Variants in CDH7 observed in about 807,000 individuals in gnomAD.
CDH7 encodes the protein cadherin-7.
In CDH7, 25 loss-of-function variants were observed where a neutral mutation model predicts 71.8. The observed-to-expected ratio is 0.35, with a 90% CI of 0.25 to 0.49. The LOEUF is 0.49. Among genes scored for constraint, CDH7 ranks in the 20% least tolerant of loss-of-function variants. The probability of loss-of-function intolerance (pLI) is 0.99; values close to 1 mark genes in which losing one functional copy is unlikely to be tolerated. For synonymous variants in CDH7, 381 were observed against 363.8 expected, an observed-to-expected ratio of 1.05 and a Z score of -0.54; for missense variants, 862 against 974.6, an observed-to-expected ratio of 0.88 and a Z score of 1.54.
intron 11 of CDH7, among the ~76,000 whole-genome samples, chr18:65,869,718 A>G (rs551122948): frequency 6.7e-6 from 1 of 149,594 alleles, no homozygotes; most frequent in Admixed American, 6.6e-5. Context: ...CATCTCTTCC[A>G]GTAGACTGCT....
intron 2 of CDH7, among the ~76,000 whole-genome samples, chr18:65,781,866 CTCTCTCTCTCTCTGTCTCTCTCTCT>C (rs1910244253): frequency 6.7e-5 from 4 of 59,706 alleles, no homozygotes; most frequent in Admixed American, 2.9e-4. Context: ...TTCTTTCTTT[CTCTCTCTCTCTCTGTCTCTCTCTCT>C]CTTTCTCTCT....
At chr18:65,799,508 T>C (rs982797914) in intron 2 of CDH7, among the ~76,000 whole-genome samples, 3 of 152,004 alleles carry the variant, frequency 2.0e-5, no homozygotes, top group Non-Finnish European at 4.4e-5. Context: ...AAACCCCGTC[T>C]CTACTAAAAA....
chr18:65,817,178 G>A (rs1911752334), intron 4 of CDH7, among the ~76,000 whole-genome samples: 1 of 152,150 alleles, frequency 6.6e-6, no homozygotes, highest in Non-Finnish European at 1.5e-5. Context: ...TCATTTAGGA[G>A]TTCTTTTTTA....
At chr18:65,850,173 A>ATAAT (rs145348057) in intron 7 of CDH7, among the ~76,000 whole-genome samples, 61 of 65,314 alleles carry the variant, frequency 9.3e-4, no homozygotes, top group African/African-American at 3.8e-3. Flanking sequence ...CACTATATAT[A>ATAAT]ATATATATAT....
chr18:65,859,047 G>GT lies in CDH7; in HGVS notation c.1494+2dup. ...CTGTGAAAATGCCCAGCCGGGGCAGGTAAGAGTCTTCAGAACACTTTGCTT... is the reference window on the plus strand; with the variant it reads ...CTGTGAAAATGCCCAGCCGGGGCAGGTTAAGAGTCTTCAGAACACTTTGCTT... On this transcript the variant is annotated splice_donor_variant, in intron 9 of 11. Coordinates refer to ENST00000397968, the MANE Select transcript of CDH7 (RefSeq NM_004361.5). LOFTEE classifies it high-confidence loss of function. 6.2e-7 allele frequency: 1 copy of GT among 1,613,222 alleles called. No homozygotes were observed. Among genetic ancestry groups the GT allele is most frequent in the Non-Finnish European group, 8.5e-7 (1 of 1,179,394 alleles).
intron 2 of CDH7, among the ~76,000 whole-genome samples, chr18:65,800,988 A>G (rs1299281597): frequency 6.6e-6 from 1 of 152,136 alleles, no homozygotes; most frequent in East Asian, 1.9e-4. Flanking sequence ...CCCCGGGCTC[A>G]GCTTGGTTTT....
chr18:65,799,608 G>T (rs1444451682), intron 2 of CDH7, among the ~76,000 whole-genome samples: 1 of 151,930 alleles, frequency 6.6e-6, no homozygotes, highest in Non-Finnish European at 1.5e-5. Context: ...CCCAGGAGGC[G>T]GAGCTTGCAG....
At chr18:65,802,714 A>G (rs1012953723) in intron 2 of CDH7, among the ~76,000 whole-genome samples, 15 of 152,352 alleles carry the variant, frequency 9.8e-5, no homozygotes, top group Admixed American at 9.8e-4. Context: ...TTTGATCATT[A>G]AGAATTCGAC....
At chr18:65,822,540 TA>T (rs1342393634) in intron 5 of CDH7, among the ~76,000 whole-genome samples, 1 of 132,576 alleles carries the variant, frequency 7.5e-6, no homozygotes, top group African/African-American at 2.6e-5. Context: ...TGTGTTTATG[TA>T]TTAGTCTTTT....
At chr18:65,847,592 C>T (rs969084036) in intron 7 of CDH7, among the ~76,000 whole-genome samples, 2 of 152,164 alleles carry the variant, frequency 1.3e-5, no homozygotes, top group South Asian at 2.1e-4. Context: ...ACCTACTTTA[C>T]TGAAGTACCA....
chr18:65,835,751 A>G (rs1912510925), intron 6 of CDH7, among the ~76,000 whole-genome samples: 1 of 152,196 alleles, frequency 6.6e-6, no homozygotes, highest in Admixed American at 6.5e-5. Flanking sequence ...TTTCTACTTT[A>G]TGCTTATAAA....
intron 2 of CDH7, among the ~76,000 whole-genome samples, chr18:65,763,657 T>A (rs1264116831): frequency 6.6e-6 from 1 of 151,452 alleles, no homozygotes; most frequent in Non-Finnish European, 1.5e-5. Context: ...CATTTTCCTT[T>A]GGATTAAAAA....
At chr18:65,842,237 T>C (rs1912759775) in intron 6 of CDH7, among the ~76,000 whole-genome samples, 1 of 152,086 alleles carries the variant, frequency 6.6e-6, no homozygotes, top group Admixed American at 6.6e-5. Flanking sequence ...CTCCCCTATG[T>C]ATAAAAAGCA....
At chr18:65,774,810 C>T (rs1418911683) in intron 2 of CDH7, among the ~76,000 whole-genome samples, 2 of 152,032 alleles carry the variant, frequency 1.3e-5, no homozygotes, top group Non-Finnish European at 2.9e-5. Flanking sequence ...CTCTAATTCC[C>T]TTGATGGTCC....
At chr18:65,853,781 A>G (rs911409107) in intron 7 of CDH7, among the ~76,000 whole-genome samples, 1 of 151,372 alleles carries the variant, frequency 6.6e-6, no homozygotes, top group Admixed American at 6.6e-5. Flanking sequence ...TTTTCGTTGC[A>G]ATAAAAAAAG....
chr18:65,882,325 TA>T lies in CDH7; in HGVS notation c.*1433del, dbSNP rs1333468004. On this transcript the variant is annotated 3_prime_UTR_variant, in exon 12 of 12. Transcript: ENST00000397968. ...TTTCTACCTATTATTTTTCCTAGAT[TA>T]ATACTAGTTTAATGTGCATATACAT... The T allele has an allele frequency of 1.3e-5, 2 of 152,138 alleles. No homozygotes were observed. The highest frequency in any genetic ancestry group is 4.8e-5 in the African/African-American group (2 of 41,454). 9.4% of individuals were successfully genotyped at this position (152,138 alleles called of 1,614,324 possible).
At chr18:65,863,753 G>A (rs574551141) in intron 11 of CDH7, 10 of 152,196 alleles carry the variant, frequency 6.6e-5, no homozygotes, top group African/African-American at 1.4e-4. Context: ...ACATTTCCAT[G>A]ATTAGTTTAT....
chr18:65,812,805 G>T (rs1911591076), intron 3 of CDH7, among the ~76,000 whole-genome samples: 1 of 152,106 alleles, frequency 6.6e-6, no homozygotes. Context: ...TTATTATTTG[G>T]TTTAAAATTG....
At chr18:65,774,730 GA>G (rs1909873632) in intron 2 of CDH7, among the ~76,000 whole-genome samples, 1 of 152,092 alleles carries the variant, frequency 6.6e-6, no homozygotes. Flanking sequence ...GGGCCTGGGA[GA>G]AAGAGAGGTC....
Sources: gnomAD v4.1 joint callset for allele counts (sites outside exome capture counted in the v4.1 genomes callset) on GRCh38, gnomAD v4.1.1 for gene constraint, MANE v1.5 for transcripts, NCBI Gene and HGNC (gene_info 2026-07-23, HGNC 2026-07-21) for gene names.